The following TCF4 variants were observed in gnomAD, a reference collection of about 807,000 sequenced individuals.
TCF4 encodes the protein transcription factor 4.
Under a neutral mutation model 82.1 loss-of-function variants are expected in TCF4, and 3 were observed. The ratio of observed to expected loss-of-function variants is 0.04; its 90% CI spans 0.02 to 0.09. The LOEUF (loss-of-function observed/expected upper bound fraction) is 0.09. TCF4 is among the 10% of genes least tolerant of loss of function. The pLI is 1.00. For synonymous variants in TCF4, 276 were observed against 309.6 expected, an observed-to-expected ratio of 0.89 and a Z score of 1.14; for missense variants, 518 against 852.7, an observed-to-expected ratio of 0.61 and a Z score of 4.89.
At chr18:55,611,111 CAG>C (rs947723486) in intron 2 of TCF4, among the ~76,000 whole-genome samples, 1 of 152,150 alleles carries the variant, frequency 6.6e-6, no homozygotes, top group African/African-American at 2.4e-5. Flanking sequence ...TTTTAATCCA[CAG>C]AGTCAAAAGC....
At chr18:55,458,909 C>T (rs954065587) in intron 5 of TCF4, among the ~76,000 whole-genome samples, 11 of 152,118 alleles carry the variant, frequency 7.2e-5, no homozygotes, top group Non-Finnish European at 1.0e-4. Flanking sequence ...TCTGACACTG[C>T]GCCGTTAATG....
At chr18:55,343,721 A>C (rs1404750115) in intron 8 of TCF4, among the ~76,000 whole-genome samples, 1 of 152,216 alleles carries the variant, frequency 6.6e-6, no homozygotes, top group East Asian at 1.9e-4. Flanking sequence ...CAGCAGCTGC[A>C]ACTTAAAAAA....
upstream of TCF4, chr18:55,588,298 T>A: frequency 6.9e-7 from 1 of 1,449,774 alleles, no homozygotes; most frequent in African/African-American, 1.4e-5. Context: ...GCGCACGGAA[T>A]TGCAAGTTCA....
At chr18:55,282,180 TATAAATAA>T (rs1437924456) in intron 8 of TCF4, among the ~76,000 whole-genome samples, 2 of 152,100 alleles carry the variant, frequency 1.3e-5, no homozygotes, top group South Asian at 2.1e-4. Context: ...TTTTTGTTTA[TATAAATAA>T]ATAAATATCA....
chr18:55,257,266 G>A (rs754453911), intron 14 of TCF4, 49 bp downstream of exon 14: 2 of 1,574,476 alleles, frequency 1.3e-6, no homozygotes, highest in South Asian at 2.2e-5. Flanking sequence ...GAACAAGAAA[G>A]AACATGACCT....
chr18:55,357,848 T>A (rs73490841), intron 6 of TCF4, among the ~76,000 whole-genome samples: 4,745 of 152,276 alleles, frequency 0.031, 100 homozygotes, highest in Non-Finnish European at 0.036. Flanking sequence ...GATATCACTA[T>A]AACAAAGTGT....
At chr18:55,626,484 G>T (rs926372021) in intron 2 of TCF4, among the ~76,000 whole-genome samples, 1 of 152,152 alleles carries the variant, frequency 6.6e-6, no homozygotes, top group Non-Finnish European at 1.5e-5. Context: ...TATATGTTTG[G>T]TGTTCCAGGA....
intron 15 of TCF4, among the ~76,000 whole-genome samples, chr18:55,236,252 A>G (rs1395597900): frequency 2.0e-5 from 3 of 152,204 alleles, no homozygotes; most frequent in Non-Finnish European, 4.4e-5. Flanking sequence ...TAGGAAGTCC[A>G]GCACTGCTCC....
At chr18:55,473,324 C>T (rs941780473) in intron 3 of TCF4, among the ~76,000 whole-genome samples, 3 of 152,202 alleles carry the variant, frequency 2.0e-5, no homozygotes, top group Admixed American at 6.5e-5. Context: ...TTCTCCCAAA[C>T]GGCATTCTTT....
intron 3 of TCF4, among the ~76,000 whole-genome samples, chr18:55,536,321 G>A (rs2097114149): frequency 1.3e-5 from 2 of 152,084 alleles, no homozygotes; most frequent in Non-Finnish European, 2.9e-5. Context: ...ATAGTCAAAC[G>A]TACATTCATA....
chr18:55,624,193 A>C (rs1457782047), intron 2 of TCF4, among the ~76,000 whole-genome samples: 1 of 151,970 alleles, frequency 6.6e-6, no homozygotes, highest in Non-Finnish European at 1.5e-5. Flanking sequence ...TTTTATATAA[A>C]TTTTTTAGTT....
chr18:55,499,628 T>TA (rs769594004), intron 3 of TCF4, among the ~76,000 whole-genome samples: 5 of 152,296 alleles, frequency 3.3e-5, no homozygotes, highest in Non-Finnish European at 4.4e-5. Flanking sequence ...CATCAGTATT[T>TA]ATTCTCCAAG....
upstream of TCF4, chr18:55,591,081 C>A (rs895631547): frequency 6.6e-6 from 1 of 152,182 alleles, no homozygotes; most frequent in Non-Finnish European, 1.5e-5. Context: ...GTGGCAGTAA[C>A]AGAGTTCAGA....
rs772542780 is a variant in TCF4 at position 55,234,576 on chromosome 18, G to T, written c.1458C>A (p.Asp486Glu). The change falls in exon 16 of 20, where the codon GAC (aspartate) becomes GAA (glutamate). Residue 486 changes from aspartate (D) to glutamate (E), a missense_variant. Asp to Glu is a conservative substitution (Grantham distance 45). Around this residue, in one of 7 missense-constraint regions of TCF4, gnomAD observed 144 missense variants for 190.2 expected, o/e 0.76. Coordinates refer to ENST00000354452, the MANE Select transcript of TCF4 (RefSeq NM_001083962.2). ...TGTAAGGGTCCTGGGGTGGGTTCAG[G>T]TCAGGGGAAGTCGCAGACTGGACAG... ...QLPVQSATSP[D>E]LNPPQDPYRG... 6.2e-7 allele frequency: 1 copy of T among 1,614,146 alleles called. No homozygotes were observed. The highest frequency in any genetic ancestry group is 1.1e-5 in the South Asian group (1 of 91,080).
intron 6 of TCF4, among the ~76,000 whole-genome samples, chr18:55,393,020 G>A (rs1465756513): frequency 6.6e-6 from 1 of 152,010 alleles, no homozygotes; most frequent in Non-Finnish European, 1.5e-5. Flanking sequence ...TCCTTCTTTG[G>A]ATAAAAAACT....
chr18:55,539,074 T>C (rs758598460), intron 3 of TCF4, among the ~76,000 whole-genome samples: 9 of 146,910 alleles, frequency 6.1e-5, no homozygotes, highest in African/African-American at 2.3e-4. Context: ...GGATAAAACA[T>C]GATGAGAAAA....
At chr18:55,264,795 T>G (rs1422724688) in intron 11 of TCF4, 2 of 152,164 alleles carry the variant, frequency 1.3e-5, no homozygotes, top group African/African-American at 4.8e-5. Flanking sequence ...CGATTTCTAA[T>G]TTTGGCTCTA....
chr18:55,369,318 T>C (rs1302659058), intron 6 of TCF4, among the ~76,000 whole-genome samples: 1 of 152,198 alleles, frequency 6.6e-6, no homozygotes, highest in Non-Finnish European at 1.5e-5. Context: ...TTACATTTTG[T>C]CTCTTTCTCA....
chr18:55,261,452 C>T lies in TCF4; in HGVS notation c.990+14G>A. On this transcript the variant is annotated intron_variant, in intron 12 of 19. Transcript: ENST00000354452. ...CAATGGTACATATGGAGTCCAAAGT[C>T]AATATTTCCTCACCGAAGCAAGTGC... 6.2e-7 allele frequency: 1 copy of T among 1,613,780 alleles called. No individual in the cohort carries two copies. Among genetic ancestry groups the T allele is most frequent in the Non-Finnish European group, 8.5e-7 (1 of 1,179,760 alleles).
Sources: allele counts gnomAD v4.1 joint callset (sites outside exome capture counted in the v4.1 genomes callset), GRCh38; gene constraint gnomAD v4.1.1; regional missense constraint gnomAD v4.1.1; transcripts MANE v1.5; gene names NCBI Gene and HGNC (gene_info 2026-07-23, HGNC 2026-07-21).